NRXN1: variants seen among roughly 807,000 people sequenced by gnomAD.
NRXN1 encodes neurexin-1.
NRXN1 carries 39 observed loss-of-function variants against 150.9 expected under a neutral mutation model. The ratio of observed to expected loss-of-function variants is 0.26; its 90% CI spans 0.20 to 0.34. The LOEUF (loss-of-function observed/expected upper bound fraction) is 0.34, where lower values mean the gene tolerates loss of function less well. NRXN1 is among the 10% of genes least tolerant of loss of function. NRXN1 has a pLI of 1.00. For synonymous variants in NRXN1, 924 were observed against 757.0 expected (o/e 1.22, Z -3.62); for missense variants, 1,815 against 1,949.9 (o/e 0.93, Z 1.30).
chr2:50,073,129 C>T (rs1696553061), intron 19 of NRXN1, among the ~76,000 whole-genome samples: 1 of 152,070 alleles, frequency 6.6e-6, no homozygotes, highest in African/African-American at 2.4e-5. Flanking sequence ...TTCCACTTCC[C>T]GTGTTATAGT....
chr2:50,476,085 T>A (rs1450540170), intron 15 of NRXN1, among the ~76,000 whole-genome samples: 1 of 152,102 alleles, frequency 6.6e-6, no homozygotes, highest in East Asian at 1.9e-4. Flanking sequence ...AAGGACCATG[T>A]AGGCAATTGA....
At chr2:50,049,480 A>G (rs1022137254) in intron 21 of NRXN1, among the ~76,000 whole-genome samples, 1 of 152,126 alleles carries the variant, frequency 6.6e-6, no homozygotes, top group Non-Finnish European at 1.5e-5. Flanking sequence ...GAAAGTGGAA[A>G]CCAGGTCTCC....
intron 17 of NRXN1, among the ~76,000 whole-genome samples, chr2:50,247,321 T>C (rs1048894611): frequency 5.9e-5 from 9 of 152,112 alleles, no homozygotes; most frequent in African/African-American, 1.7e-4. Context: ...TTGAATAGCA[T>C]AGCCAAAAAT....
At chr2:50,265,030 T>G (rs1263091680) in intron 17 of NRXN1, among the ~76,000 whole-genome samples, 2 of 152,156 alleles carry the variant, frequency 1.3e-5, no homozygotes, top group African/African-American at 4.8e-5. Flanking sequence ...AGAAAGGTTT[T>G]TTAAAGAAAA....
At chr2:49,981,476 AC>A (rs1278914729) in intron 21 of NRXN1, among the ~76,000 whole-genome samples, 6 of 152,188 alleles carry the variant, frequency 3.9e-5, no homozygotes, top group Admixed American at 1.3e-4. Context: ...AATGGACTAT[AC>A]GAGAAACTTT....
chr2:50,430,874 A>C (rs1288234250), intron 17 of NRXN1, among the ~76,000 whole-genome samples: 2 of 152,090 alleles, frequency 1.3e-5, no homozygotes, highest in Non-Finnish European at 2.9e-5. Context: ...TGCTGTTCTA[A>C]ATTGCCTCCA....
intron 17 of NRXN1, among the ~76,000 whole-genome samples, chr2:50,240,923 C>T (rs1313133711): frequency 6.6e-6 from 1 of 151,668 alleles, no homozygotes; most frequent in East Asian, 1.9e-4. Context: ...AACACTGTAA[C>T]ATTGTTTTAT....
At chr2:50,828,157 GCTC>G (rs1670759092) in intron 5 of NRXN1, among the ~76,000 whole-genome samples, 1 of 151,044 alleles carries the variant, frequency 6.6e-6, no homozygotes, top group Non-Finnish European at 1.5e-5. Context: ...GGGCAGAGGG[GCTC>G]CTCACTTCCC....
intron 17 of NRXN1, among the ~76,000 whole-genome samples, chr2:50,293,789 C>T (rs756048406): frequency 2.6e-5 from 4 of 152,082 alleles, no homozygotes; most frequent in African/African-American, 7.2e-5. Context: ...AGTAAACTTG[C>T]GAGTTCAATG....
At chr2:50,901,565 G>A (rs1322646850) in intron 5 of NRXN1, among the ~76,000 whole-genome samples, 1 of 152,052 alleles carries the variant, frequency 6.6e-6, no homozygotes, top group Admixed American at 6.6e-5. Context: ...ATAAAGATGA[G>A]AAAACATTAA....
intron 10 of NRXN1, among the ~76,000 whole-genome samples, chr2:50,537,949 A>C (rs2093303001): frequency 1.3e-5 from 2 of 152,294 alleles, no homozygotes; most frequent in Non-Finnish European, 2.9e-5. Flanking sequence ...GAAGTTAAAA[A>C]CTGGGCAAAA....
intron 10 of NRXN1, among the ~76,000 whole-genome samples, chr2:50,536,547 T>C (rs1227211962): frequency 1.3e-5 from 2 of 152,208 alleles, no homozygotes; most frequent in African/African-American, 2.4e-5. Context: ...ACACCACGCA[T>C]AGTTAACAGA....
chr2:49,959,450 G>A (rs187238829), intron 21 of NRXN1, among the ~76,000 whole-genome samples: 9 of 152,040 alleles, frequency 5.9e-5, no homozygotes, highest in Admixed American at 2.6e-4. Context: ...TGCTCTTCAC[G>A]GTAGCATCTT....
intron 11 of NRXN1, among the ~76,000 whole-genome samples, chr2:50,530,661 T>C (rs371262697): frequency 2.6e-4 from 39 of 152,276 alleles, no homozygotes; most frequent in African/African-American, 8.9e-4. Context: ...CCGCAGACTT[T>C]GGGCATTGAA....
intron 21 of NRXN1, among the ~76,000 whole-genome samples, chr2:49,998,267 C>T (rs1573314792): frequency 6.6e-6 from 1 of 152,256 alleles, no homozygotes; most frequent in East Asian, 1.9e-4. Flanking sequence ...TAAATGATGC[C>T]TCCTAACAGA....
chr2:50,893,352 C>T (rs1681384650), intron 5 of NRXN1, among the ~76,000 whole-genome samples: 1 of 152,056 alleles, frequency 6.6e-6, no homozygotes, highest in African/African-American at 2.4e-5. Context: ...TAAATATATC[C>T]TACTTAAATG....
chr2:50,397,756 G>C (rs1027744356), intron 17 of NRXN1, among the ~76,000 whole-genome samples: 4 of 152,240 alleles, frequency 2.6e-5, no homozygotes, highest in Non-Finnish European at 4.4e-5. Context: ...GGAGGTATGA[G>C]AGATTTCTTT....
intron 17 of NRXN1, among the ~76,000 whole-genome samples, chr2:50,439,607 C>T (rs1489181954): frequency 6.6e-6 from 1 of 151,896 alleles, no homozygotes; most frequent in African/African-American, 2.4e-5. Context: ...GAGATTGAGA[C>T]CATCCTGGCT....
intron 22 of NRXN1, among the ~76,000 whole-genome samples, chr2:49,937,333 A>G (rs1366215357): frequency 1.3e-5 from 2 of 152,150 alleles, no homozygotes; most frequent in African/African-American, 4.8e-5. Flanking sequence ...CTCGGGCTGA[A>G]ATCTGGCCCA....
Sources: gnomAD v4.1 joint callset for allele counts (sites outside exome capture counted in the v4.1 genomes callset) on GRCh38, gnomAD v4.1.1 for gene constraint, MANE v1.5 for transcripts, NCBI Gene and HGNC (gene_info 2026-07-23, HGNC 2026-07-21) for gene names.